CREB3L1: variants seen among roughly 807,000 people sequenced by gnomAD.
The protein encoded by CREB3L1 is cAMP responsive element binding protein 3 like 1, also known as cyclic AMP-responsive element-binding protein 3-like protein 1.
Under a neutral mutation model 54.5 loss-of-function variants are expected in CREB3L1, and 33 were observed. The observed-to-expected ratio is 0.61, with a 90% CI of 0.46 to 0.81. The LOEUF (loss-of-function observed/expected upper bound fraction) is 0.81, where lower values mean the gene tolerates loss of function less well. CREB3L1 is among the 30% of genes least tolerant of loss of function. The pLI is 0.00. For synonymous variants in CREB3L1, 284 were observed against 286.4 expected (o/e 0.99, Z 0.08); for missense variants, 656 against 673.3 (o/e 0.97, Z 0.29).
At position 46,295,545 on chromosome 11, in the gene CREB3L1, A is replaced by G. The variant is rs1270446455; in HGVS notation, c.103-4390A>G. ...AAGGGGTCCCATGCAGGCCCGAGCC[A>G]GTGCACCCTGCGCTCCCTCAGCCGC... On this transcript the variant is annotated intron_variant, in intron 1 of 11. Coordinates refer to ENST00000621158, the MANE Select transcript of CREB3L1 (RefSeq NM_052854.4). The surrounding 1 kb of genome is among the most constrained non-coding windows in gnomAD (Gnocchi z 4.6). 6.6e-6 allele frequency among the ~76,000 whole-genome samples: 1 copy of G among 152,274 alleles called. No individual in the cohort carries two copies. Among genetic ancestry groups the G allele is most frequent in the African/African-American group, 2.4e-5 (1 of 41,568 alleles).
rs547749629 is a variant in CREB3L1 at position 46,278,106 on chromosome 11, G to A, written c.-6G>A. 40 of 1,545,142 alleles carry A rather than the reference G, an allele frequency of 2.6e-5. 1 individual carries two copies. In the South Asian group the frequency reaches 4.2e-4, roughly 16 times the overall value. On this transcript the variant is annotated 5_prime_UTR_variant, in exon 1 of 12. Transcript: ENST00000621158. The surrounding 1 kb of genome is among the most constrained non-coding windows in gnomAD (Gnocchi z 4.2). ...CAGTGGAAGGGGGTCCCGGGAGCCGGCTGCGATGGACGCCGTCTTGGAACC... is the reference window on the plus strand; with the variant it reads ...CAGTGGAAGGGGGTCCCGGGAGCCGACTGCGATGGACGCCGTCTTGGAACC...
chr11:46,307,912 C>T lies in CREB3L1; in HGVS notation c.428C>T (p.Ala143Val). ...GAGCTGCCCGTGGACCCTCTGGCTG[C>T]CCCCTCGGCCATGGCTGCCGCGGCC... Reference protein sequence around the residue: ...SPELPVDPLAAPSAMAAAAAM... With the variant: ...SPELPVDPLAVPSAMAAAAAM... The change falls in exon 3 of 12, where the codon GCC (alanine) becomes GTC (valine). Residue 143 changes from alanine to valine, a missense_variant. Physicochemically the swap from Ala to Val is moderately conservative, Grantham distance 64. This residue lies in a region of CREB3L1 where 339 missense variants were observed against 331.5 expected (regional missense o/e 1.02). Transcript: ENST00000621158. The T allele has an allele frequency of 6.4e-7, 1 of 1,571,952 alleles. No individual in the cohort carries two copies. The highest frequency in any genetic ancestry group is 8.6e-7 in the Non-Finnish European group (1 of 1,160,216).
chr11:46,311,341 C>T (rs904480441), intron 5 of CREB3L1, among the ~76,000 whole-genome samples, 152 bp downstream of exon 5: 4 of 152,176 alleles, frequency 2.6e-5, no homozygotes, highest in African/African-American at 7.2e-5. Context: ...GATGGGAGTT[C>T]TAATCCTTTT....
chr11:46,316,032 CA>C (rs2136357944), intron 8 of CREB3L1: 1 of 411,330 alleles, frequency 2.4e-6, no homozygotes, highest in African/African-American at 2.1e-5. Context: ...TTCCCTCCTC[CA>C]ACCCCCTTGG....
rs767063030 is a variant in CREB3L1, at chr11:46,300,189, A to G, written c.331+26A>G. 3.8e-6 allele frequency: 6 copies of G among 1,563,058 alleles called. No homozygotes were observed. The South Asian group carries it at 6.8e-5, about 18-fold the overall frequency. On this transcript the variant is annotated intron_variant, in intron 2 of 11. Transcript: ENST00000621158. The stretch of plus-strand genomic sequence containing the variant: ...GTAAGAGGTGGAAGAACCTGGGGAC[A>G]GCACAGGCCCAGGAGGCCCAGGAGG...
At position 46,307,803 on chromosome 11, in the gene CREB3L1, C is replaced by T. The variant is rs532179233; in HGVS notation, c.332-13C>T. On this transcript the variant is annotated splice_polypyrimidine_tract_variant and intron_variant, in intron 2 of 11. Coordinates refer to ENST00000621158, the MANE Select transcript of CREB3L1 (RefSeq NM_052854.4). ...CTGCCCTAGAGTCCCCTGAGCCTTTCCCCTTCCCCTAGATGCAGAGCATGG... is the reference window on the plus strand; with the variant it reads ...CTGCCCTAGAGTCCCCTGAGCCTTTTCCCTTCCCCTAGATGCAGAGCATGG... 99 of 1,544,472 alleles carry T rather than the reference C, an allele frequency of 6.4e-5. No homozygotes were observed. In the South Asian group the frequency reaches 1.2e-3, roughly 18 times the overall value.
Position 46,316,010 on chromosome 11 carries a change from T to C in CREB3L1, c.1032-276T>C, listed in dbSNP as rs2136357925. 3 of 386,150 alleles carry C rather than the reference T, an allele frequency of 7.8e-6. No homozygotes were observed. In the South Asian group the frequency reaches 1.3e-4, roughly 16 times the overall value. 23.9% of individuals were successfully genotyped at this position (386,150 alleles called of 1,614,324 possible). A position where few individuals can be genotyped will look rare whatever the true frequency, so the allele number is the denominator to read the frequency against. On this transcript the variant is annotated intron_variant, in intron 8 of 11. Coordinates refer to ENST00000621158, the MANE Select transcript of CREB3L1 (RefSeq NM_052854.4). The stretch of plus-strand genomic sequence containing the variant: ...AAAAGAAGGCTGGCATCTGTGCAGC[T>C]GGGGGCAGGCCTTCCCTCCTCCAAC...
chr11:46,277,713 A>G lies in CREB3L1; in HGVS notation c.-399A>G, dbSNP rs574116726. 148 of 209,312 alleles carry G rather than the reference A, an allele frequency of 7.1e-4. 1 individual carries two copies. The highest frequency in any genetic ancestry group is 3.4e-3 in the African/African-American group (145 of 43,188). 13.0% of individuals were successfully genotyped at this position (209,312 alleles called of 1,614,324 possible). A position where few individuals can be genotyped will look rare whatever the true frequency, so the allele number is the denominator to read the frequency against. Reference sequence around the variant, plus strand: ...GGAGGGAGACGCAGAGACAGAGGAGAGGCCGGCAGCCACCCAGTCTCGGGG... The same window carrying G: ...GGAGGGAGACGCAGAGACAGAGGAGGGGCCGGCAGCCACCCAGTCTCGGGG... On this transcript the variant is annotated 5_prime_UTR_variant, in exon 1 of 12. Transcript: ENST00000621158.
chr11:46,285,248 A>G (rs1368050848), intron 1 of CREB3L1, among the ~76,000 whole-genome samples: 2 of 152,092 alleles, frequency 1.3e-5, no homozygotes, highest in African/African-American at 4.8e-5. Flanking sequence ...AACCTCCCTC[A>G]AGAAACCAGC....
At chr11:46,290,382 C>G (rs1939112630) in intron 1 of CREB3L1, among the ~76,000 whole-genome samples, 1 of 152,156 alleles carries the variant, frequency 6.6e-6, no homozygotes, top group African/African-American at 2.4e-5. Context: ...CCAGCCCAGC[C>G]TGGCACACCA....
At chr11:46,308,360 A>C (rs1939433579) in intron 3 of CREB3L1, among the ~76,000 whole-genome samples, 1 of 152,234 alleles carries the variant, frequency 6.6e-6, no homozygotes, top group Non-Finnish European at 1.5e-5. Context: ...TATTTTTAAA[A>C]AAGAAAAAAG....
chr11:46,314,730 C>T (rs1939540464), intron 8 of CREB3L1, among the ~76,000 whole-genome samples: 1 of 147,324 alleles, frequency 6.8e-6, no homozygotes, highest in African/African-American at 2.5e-5. Flanking sequence ...TTTTTTGAGA[C>T]ACAGTCTTGC....
chr11:46,300,164 G>A lies in CREB3L1; in HGVS notation c.331+1G>A. 6.2e-7 allele frequency: 1 copy of A among 1,608,390 alleles called. No homozygotes were observed. The highest frequency in any genetic ancestry group is 8.5e-7 in the Non-Finnish European group (1 of 1,176,888). On this transcript the variant is annotated splice_donor_variant, in intron 2 of 11. Coordinates refer to ENST00000621158, the MANE Select transcript of CREB3L1 (RefSeq NM_052854.4). LOFTEE classifies it high-confidence loss of function. ...ATCAAGATGGAGGACACCACCCAAG[G>A]TAAGAGGTGGAAGAACCTGGGGACA... is the stretch of plus-strand genomic sequence containing the variant.
At chr11:46,289,399 C>G (rs1029348015) in intron 1 of CREB3L1, among the ~76,000 whole-genome samples, 3 of 152,082 alleles carry the variant, frequency 2.0e-5, no homozygotes, top group Admixed American at 6.6e-5. Context: ...AAGATGAAAC[C>G]TGTCCTTGAT....
chr11:46,288,000 G>A (rs1939079811), intron 1 of CREB3L1, among the ~76,000 whole-genome samples: 1 of 151,982 alleles, frequency 6.6e-6, no homozygotes, highest in Non-Finnish European at 1.5e-5. Flanking sequence ...ACGTCATGGA[G>A]AATGGGGTAT....
At position 46,320,375 on chromosome 11, in the gene CREB3L1, G is replaced by T. The variant is rs758039766; in HGVS notation, c.1370G>T (p.Gly457Val). 15 of 1,610,680 alleles carry T rather than the reference G, an allele frequency of 9.3e-6. No homozygotes were observed. Among genetic ancestry groups the T allele is most frequent in the Non-Finnish European group, 1.3e-5 (15 of 1,178,650 alleles). Residue 457 changes from glycine to valine, a missense_variant, in exon 11 of 12, where the codon GGG becomes GTG. This residue lies in a region of CREB3L1 where 240 missense variants were observed against 219.8 expected (regional missense o/e 1.09). Transcript: ENST00000621158. ...PPDGWEINPGGPAEQRPRDHL... is the reference protein window; with the variant it reads ...PPDGWEINPGVPAEQRPRDHL... ...GATGGCTGGGAAATCAACCCCGGGG[G>T]GCCGGCAGAGCAGCGGCCCCGGGAC...
intron 1 of CREB3L1, among the ~76,000 whole-genome samples, chr11:46,282,392 G>T (rs1938992319): frequency 6.6e-6 from 1 of 152,164 alleles, no homozygotes. Context: ...CTGACCCACA[G>T]GGGATTTGAA....
chr11:46,310,411 G>GCA lies in CREB3L1; in HGVS notation c.595+344_595+345insCA, dbSNP rs1374917541. Reference sequence around the variant, plus strand: ...GCCTCCTAAGTACCTGGGATTACAGGTGCCCACCACCACGCCTGGCTAATT... The same window carrying GCA: ...GCCTCCTAAGTACCTGGGATTACAGGCATGCCCACCACCACGCCTGGCTAATT... On this transcript the variant is annotated intron_variant, in intron 4 of 11. Transcript: ENST00000621158. Among the ~76,000 whole-genome samples, 44 of 152,126 alleles carry GCA rather than the reference G, an allele frequency of 2.9e-4. 1 individual carries two copies. Among genetic ancestry groups the GCA allele is most frequent in the Admixed American group, 2.9e-3 (44 of 15,264 alleles).
intron 1 of CREB3L1, among the ~76,000 whole-genome samples, chr11:46,279,574 T>C (rs1293814506): frequency 3.9e-5 from 6 of 152,180 alleles, no homozygotes; most frequent in Non-Finnish European, 4.4e-5. Flanking sequence ...GCTTGGCCCC[T>C]ACCACTGGCT....
Sources: gnomAD v4.1 joint callset for allele counts (sites outside exome capture counted in the v4.1 genomes callset) on GRCh38, gnomAD v4.1.1 for gene constraint, gnomAD v4.1.1 regional missense constraint, Gnocchi (gnomAD v3.1) non-coding constraint, MANE v1.5 for transcripts, NCBI Gene and HGNC (gene_info 2026-07-23, HGNC 2026-07-21) for gene names.